Variants in ZNF285 observed in about 807,000 individuals in gnomAD.
ZNF285 encodes zinc finger protein 285.
In ZNF285, 4 loss-of-function variants were observed where a neutral mutation model predicts 6.2. The observed-to-expected ratio is 0.65, with a 90% CI of 0.32 to 1.49. The LOEUF is 1.49. Ranked by LOEUF, ZNF285 falls within the 40% of genes most tolerant of loss-of-function variation. The pLI, the probability that ZNF285 is intolerant of heterozygous loss-of-function variation, is 0.07. For missense variants in ZNF285, 695 were observed against 708.8 expected, an observed-to-expected ratio of 0.98 and a Z score of 0.22; for synonymous variants, 240 against 245.8, an observed-to-expected ratio of 0.98 and a Z score of 0.22.
chr19:44,395,551 G>A (rs1971266988), intron 2 of ZNF285, among the ~76,000 whole-genome samples: 2 of 152,146 alleles, frequency 1.3e-5, no homozygotes, highest in African/African-American at 4.8e-5. Flanking sequence ...AGGGAAATTT[G>A]ATTATTGTCT....
Position 44,387,310 on chromosome 19 carries a change from C to T in ZNF285, c.935G>A (p.Gly312Glu), listed in dbSNP as rs541504637. Residue 312 changes from glycine to glutamate, a missense_variant, in exon 4 of 4, where the codon GGA becomes GAA. Coordinates refer to ENST00000614994, the MANE Select transcript of ZNF285 (RefSeq NM_152354.6). ...TTCTTTACATTTGTAGGGTTTGTCT[C>T]CTGAGGAGACTTTCTGATATCTGGG... ...DLPRYQKVSS[G>E]DKPYKCKECG... The T allele has an allele frequency of 2.5e-6, 4 of 1,614,166 alleles. No individual in the cohort carries two copies. The highest frequency in any genetic ancestry group is 2.2e-5 in the East Asian group (1 of 44,886).
At position 44,387,416 on chromosome 19, in the gene ZNF285, C is replaced by T. The variant is rs372613459; in HGVS notation, c.829G>A (p.Val277Ile). 2.4e-5 allele frequency: 38 copies of T among 1,613,966 alleles called. No individual in the cohort carries two copies. The highest frequency in any genetic ancestry group is 9.9e-5 in the South Asian group (9 of 91,082). ...KNFSQSQDLI[V>I]HCKTHSGKTP... ...TTGCCAGAGTGAGTTTTACAATGAACGATAAGATCTTGGCTCTGACTAAAG... is the reference window on the plus strand; with the variant it reads ...TTGCCAGAGTGAGTTTTACAATGAATGATAAGATCTTGGCTCTGACTAAAG... Residue 277 changes from valine to isoleucine, a missense_variant, in exon 4 of 4, where the codon GTT becomes ATT. Coordinates refer to ENST00000614994, the MANE Select transcript of ZNF285 (RefSeq NM_152354.6).
At chr19:44,393,600 T>G (rs1345341119) in intron 2 of ZNF285, among the ~76,000 whole-genome samples, 2 of 152,200 alleles carry the variant, frequency 1.3e-5, no homozygotes, top group African/African-American at 4.8e-5. Flanking sequence ...GATGGTAGTT[T>G]CTTTTGCTGT....
rs547119201 is a variant in ZNF285, at chr19:44,385,149, A to C, written c.*1323T>G. ...ACAGGTCTGCTGAGAAGAAGACTGC[A>C]TCAGTCTGCAATGAACACTGTTGGT... On this transcript the variant is annotated 3_prime_UTR_variant, in exon 4 of 4. Coordinates refer to ENST00000614994, the MANE Select transcript of ZNF285 (RefSeq NM_152354.6). The C allele has an allele frequency of 6.6e-6, 1 of 152,318 alleles. No individual in the cohort carries two copies. The highest frequency in any genetic ancestry group is 2.4e-5 in the African/African-American group (1 of 41,576). The allele number at this position is 152,318 out of a possible 1,614,324, so 9.4% of individuals were successfully genotyped here.
intron 2 of ZNF285, chr19:44,396,772 C>T (rs76012491): frequency 6.0e-6 from 1 of 166,548 alleles, no homozygotes; most frequent in African/African-American, 2.4e-5. Flanking sequence ...GCTGACTGAA[C>T]TCTGACCAAT....
Position 44,397,271 on chromosome 19 carries a change from T to C in ZNF285, c.-43-15A>G. ...GAAAAGCAGAACTGCAAAGAAGAAA[T>C]AATCCATGAGATCATGGGTTCAACA... is the stretch of plus-strand genomic sequence containing the variant. On this transcript the variant is annotated splice_polypyrimidine_tract_variant and intron_variant, in intron 1 of 3. Coordinates refer to ENST00000614994, the MANE Select transcript of ZNF285 (RefSeq NM_152354.6). 1.2e-6 allele frequency: 2 copies of C among 1,613,632 alleles called. No homozygotes were observed. The highest frequency in any genetic ancestry group is 1.7e-6 in the Non-Finnish European group (2 of 1,179,656).
In ZNF285 at chr19:44,386,202, T is replaced by C. The variant is rs1446499532; in HGVS notation, c.*270A>G. The C allele has an allele frequency of 2.8e-6, 1 of 356,750 alleles. No homozygotes were observed. Among genetic ancestry groups the C allele is most frequent in the Non-Finnish European group, 5.1e-6 (1 of 196,390 alleles). 22.1% of individuals were successfully genotyped at this position (356,750 alleles called of 1,614,324 possible). A position where few individuals can be genotyped will look rare whatever the true frequency, so the allele number is the denominator to read the frequency against. On this transcript the variant is annotated 3_prime_UTR_variant, in exon 4 of 4. Transcript: ENST00000614994. ...CTGGACACACCCTTTAATGGAAATT[T>C]GACCACTAACTACAACCACTACCAC...
Position 44,386,299 on chromosome 19 carries a change from G to C in ZNF285, c.*173C>G. ...AGCAGTTGATGGGAGCTTCACAGAA[G>C]TTCTTGAAATCCACAGTCCTTGCCT... is the stretch of plus-strand genomic sequence containing the variant. On this transcript the variant is annotated 3_prime_UTR_variant, in exon 4 of 4. Transcript: ENST00000614994. 2 of 698,882 alleles carry C rather than the reference G, an allele frequency of 2.9e-6. No individual in the cohort carries two copies. The highest frequency in any genetic ancestry group is 4.6e-6 in the Non-Finnish European group (2 of 434,360). The allele number at this position is 698,882 out of a possible 1,614,324, so 43.3% of individuals were successfully genotyped here. A position where few individuals can be genotyped will look rare whatever the true frequency, so the allele number is the denominator to read the frequency against.
chr19:44,395,677 C>T (rs1021163387), intron 2 of ZNF285, among the ~76,000 whole-genome samples: 14 of 152,132 alleles, frequency 9.2e-5, no homozygotes, highest in Non-Finnish European at 1.2e-4. Context: ...GAAATATCCT[C>T]TTCCATGCTC....
chr19:44,392,498 T>C, intron 2 of ZNF285, 32 bp from the exon 3 acceptor site: 1 of 1,613,702 alleles, frequency 6.2e-7, no homozygotes, highest in Non-Finnish European at 8.5e-7. Flanking sequence ...ACGTCAATCA[T>C]CCACACAAAT....
intron 3 of ZNF285, among the ~76,000 whole-genome samples, chr19:44,390,722 C>A (rs984139927): frequency 6.6e-6 from 1 of 151,862 alleles, no homozygotes; most frequent in Admixed American, 6.6e-5. Flanking sequence ...CCACCCAAAT[C>A]TCATCTTGAA....
At chr19:44,390,492 C>T (rs922007418) in intron 3 of ZNF285, among the ~76,000 whole-genome samples, 3 of 152,144 alleles carry the variant, frequency 2.0e-5, no homozygotes, top group Admixed American at 6.5e-5. Flanking sequence ...TGTACCTGCA[C>T]TGTATCTAGG....
At chr19:44,394,530 A>T (rs1971249153) in intron 2 of ZNF285, 1 of 570,066 alleles carries the variant, frequency 1.8e-6, no homozygotes, top group Non-Finnish European at 3.1e-6. Context: ...CTGCACATGT[A>T]TCCCTTGAAT....
chr19:44,387,677 A>G lies in ZNF285; in HGVS notation c.568T>C (p.Cys190Arg), dbSNP rs148342841. ...CATTCTTGGGACTCATGATGATCAC[A>G]TGAGGTCCAACTGAGGCTGTCATCA... The part of the protein sequence containing the change: ...QHDDSLSWTS[C>R]DHHESQECKG... The change falls in exon 4 of 4, where the codon TGT (cysteine) becomes CGT (arginine). Residue 190 changes from cysteine (C) to arginine (R), a missense_variant. Physicochemically the swap from Cys to Arg is radical, Grantham distance 180 (BLOSUM62 -3). Transcript: ENST00000614994. 1.8e-3 allele frequency: 2,865 copies of G among 1,611,108 alleles called. 31 individuals are homozygous for G. The highest frequency in any genetic ancestry group is 0.016 in the African/African-American group (1,176 of 74,284).
Position 44,386,636 on chromosome 19 carries a change from C to G in ZNF285, c.1609G>C (p.Glu537Gln). 6.2e-7 allele frequency: 1 copy of G among 1,614,168 alleles called. No homozygotes were observed. The highest frequency in any genetic ancestry group is 8.5e-7 in the Non-Finnish European group (1 of 1,180,018). The stretch of plus-strand genomic sequence containing the variant: ...CATGCCTTACACTTATAGGGCCTCT[C>G]TCCTGTGTGGACTCTGAGGTGAACA... ...LNVHLRVHTG[E>Q]RPYKCKACGK... Residue 537 changes from glutamate to glutamine, a missense_variant, in exon 4 of 4, where the codon GAG becomes CAG. Coordinates refer to ENST00000614994, the MANE Select transcript of ZNF285 (RefSeq NM_152354.6).
chr19:44,397,074 T>A, intron 2 of ZNF285, 125 bp downstream of exon 2: 1 of 1,372,666 alleles, frequency 7.3e-7, no homozygotes, highest in Non-Finnish European at 1.0e-6. Context: ...AAAGTCATTA[T>A]GAGCAGATAA....
intron 2 of ZNF285, 43 bp from the exon 3 acceptor site, chr19:44,392,509 G>A (rs776641885): frequency 6.2e-7 from 1 of 1,613,514 alleles, no homozygotes; most frequent in Non-Finnish European, 8.5e-7. Context: ...CCACACAAAT[G>A]ACTGGTCTTA....
chr19:44,398,864 A>G (rs973213163), intron 1 of ZNF285, among the ~76,000 whole-genome samples: 1 of 152,136 alleles, frequency 6.6e-6, no homozygotes, highest in Admixed American at 6.5e-5. Context: ...CTGCCTTCTC[A>G]GATAGTGCTT....
chr19:44,395,085 G>C (rs573798798), intron 2 of ZNF285, among the ~76,000 whole-genome samples: 12 of 152,242 alleles, frequency 7.9e-5, no homozygotes, highest in African/African-American at 2.7e-4. Context: ...CCTTGTAGCT[G>C]GATGGATCCC....
Sources: gnomAD v4.1 joint callset for allele counts (sites outside exome capture counted in the v4.1 genomes callset) on GRCh38, gnomAD v4.1.1 for gene constraint, MANE v1.5 for transcripts, NCBI Gene and HGNC (gene_info 2026-07-23, HGNC 2026-07-21) for gene names.